Variants in SPTAN1 observed in about 807,000 individuals in gnomAD.
SPTAN1 encodes spectrin alpha, non-erythrocytic 1.
In SPTAN1, 61 loss-of-function variants were observed where a neutral mutation model predicts 331.3. That is an observed-to-expected ratio of 0.18 (90% CI 0.15 to 0.23). The LOEUF (loss-of-function observed/expected upper bound fraction) is 0.23. SPTAN1 is among the 10% of genes least tolerant of loss of function. SPTAN1 has a pLI of 1.00. For synonymous variants in SPTAN1, 1,153 were observed against 1,173.9 expected (o/e 0.98, Z 0.36); for missense variants, 2,043 against 3,147.9 (o/e 0.65, Z 8.40).
intron 18 of SPTAN1, 52 bp from the exon 19 acceptor site, chr9:128,585,696 T>C (rs1852515412): frequency 6.9e-7 from 1 of 1,457,740 alleles, no homozygotes; most frequent in Non-Finnish European, 9.6e-7. Context: ...TTTGTCCTTC[T>C]GTGATGTGTC....
In SPTAN1 at chr9:128,609,704, G is replaced by T. The variant is rs1054660496; in HGVS notation, c.4773+39G>T. On this transcript the variant is annotated intron_variant, in intron 37 of 56. Transcript: ENST00000372739. Reference sequence around the variant, plus strand: ...TTTTTTAAGAGTTGTAGTTAAATGAGCTCCAGTATTTGTGTTACTCTGCGT... The same window carrying T: ...TTTTTTAAGAGTTGTAGTTAAATGATCTCCAGTATTTGTGTTACTCTGCGT... 11 of 1,409,506 alleles carry T rather than the reference G, an allele frequency of 7.8e-6. No homozygotes were observed. In the East Asian group the frequency reaches 1.2e-4, roughly 16 times the overall value. The allele number at this position is 1,409,506 out of a possible 1,614,324, so 87.3% of individuals were successfully genotyped here. A position where few individuals can be genotyped will look rare whatever the true frequency, so the allele number is the denominator to read the frequency against.
rs143939145 is a variant in SPTAN1 at position 128,585,959 on chromosome 9, T to C, written c.2772T>C (p.Ser924=). 3 of 1,612,348 alleles carry C rather than the reference T, an allele frequency of 1.9e-6. No individual in the cohort carries two copies. Among genetic ancestry groups the C allele is most frequent in the Non-Finnish European group, 2.5e-6 (3 of 1,180,012 alleles). ...GSTDYGKDED[S]AEALLKKHEA... is the part of the protein sequence containing the mutation. ...CTGACTATGGCAAGGACGAAGACTC[T>C]GCTGAGGTAACCAGGCGTGGGAAGC... The change falls in exon 19 of 57, where the codon TCT becomes TCC. Residue 924 remains serine, a synonymous_variant. Transcript: ENST00000372739.
chr9:128,597,260 TCC>T (rs1854436810), intron 24 of SPTAN1, among the ~76,000 whole-genome samples: 2 of 152,188 alleles, frequency 1.3e-5, no homozygotes, highest in Non-Finnish European at 2.9e-5. Context: ...TGCTTTGGCC[TCC>T]CATAGTCCTG....
At chr9:128,566,400 C>T (rs1055420373) in intron 1 of SPTAN1, among the ~76,000 whole-genome samples, 2 of 152,096 alleles carry the variant, frequency 1.3e-5, no homozygotes, top group African/African-American at 2.4e-5. Flanking sequence ...TATTTGAATA[C>T]CACAGTTGCT....
chr9:128,585,145 G>A (rs1852426363), intron 18 of SPTAN1, among the ~76,000 whole-genome samples: 1 of 151,634 alleles, frequency 6.6e-6, no homozygotes, highest in African/African-American at 2.4e-5. Flanking sequence ...CTCCCAAGTA[G>A]CTGGGACTAC....
At position 128,612,194 on chromosome 9, in the gene SPTAN1, A is replaced by T; in HGVS notation, c.4991A>T (p.Lys1664Met). ...AGCCAGAAACTGAAAGAAGCCAACA[A>T]GCAGCAGAACTTCAACACAGGGATC... ...EKSQKLKEAN[K>M]QQNFNTGIKD... The change falls in exon 39 of 57, where the codon AAG becomes ATG. Residue 1664 changes from lysine to methionine, a missense_variant. Coordinates refer to ENST00000372739, the MANE Select transcript of SPTAN1 (RefSeq NM_001130438.3). 6.2e-7 allele frequency: 1 copy of T among 1,614,160 alleles called. No individual in the cohort carries two copies. Among genetic ancestry groups the T allele is most frequent in the Non-Finnish European group, 8.5e-7 (1 of 1,180,042 alleles).
At chr9:128,600,040 T>G in intron 26 of SPTAN1, 40 bp from the exon 27 acceptor site, 1 of 1,612,882 alleles carries the variant, frequency 6.2e-7, no homozygotes, top group Non-Finnish European at 8.5e-7. Flanking sequence ...TGTTTCATGG[T>G]CAATTGCTTG....
intron 51 of SPTAN1, 42 bp from the exon 52 acceptor site, chr9:128,630,279 G>A (rs1378093252): frequency 6.2e-7 from 1 of 1,610,726 alleles, no homozygotes; most frequent in South Asian, 1.1e-5. Flanking sequence ...CTCTCGGCCA[G>A]CTGGGAGCAG....
At chr9:128,574,144 T>C (rs1358070475) in intron 3 of SPTAN1, among the ~76,000 whole-genome samples, 2 of 152,140 alleles carry the variant, frequency 1.3e-5, no homozygotes, top group Non-Finnish European at 2.9e-5. Flanking sequence ...TTTGTTTTTT[T>C]CCCTTTATCT....
intron 41 of SPTAN1, among the ~76,000 whole-genome samples, chr9:128,617,064 C>G (rs1166229523): frequency 6.6e-6 from 1 of 151,822 alleles, no homozygotes; most frequent in Non-Finnish European, 1.5e-5. Context: ...ATGGTGAAAA[C>G]TCATCTCTAC....
intron 1 of SPTAN1, among the ~76,000 whole-genome samples, chr9:128,555,625 T>C (rs202081762): frequency 6.9e-6 from 1 of 145,292 alleles, no homozygotes; most frequent in Non-Finnish European, 1.5e-5. Flanking sequence ...AAAGCCTTTT[T>C]TTTTTTTTTT....
At chr9:128,617,540 G>T in intron 41 of SPTAN1, 100 bp from the exon 42 acceptor site, 1 of 1,571,294 alleles carries the variant, frequency 6.4e-7, no homozygotes, top group Admixed American at 1.7e-5. Flanking sequence ...TTCCCAGAAA[G>T]ATTAGTAGAT....
chr9:128,583,419 G>A (rs1852190339), intron 15 of SPTAN1, 138 bp downstream of exon 15: 1 of 907,120 alleles, frequency 1.1e-6, no homozygotes, highest in Non-Finnish European at 1.7e-6. Flanking sequence ...TTCCTGTGTA[G>A]GAATTACTTG....
chr9:128,598,074 G>C (rs143362484), intron 24 of SPTAN1, among the ~76,000 whole-genome samples: 1 of 152,124 alleles, frequency 6.6e-6, no homozygotes, highest in African/African-American at 2.4e-5. Context: ...TCAGCCTCCC[G>C]AGTAGCTGGG....
chr9:128,581,030 C>T lies in SPTAN1; in HGVS notation c.1432C>T (p.Gln478Ter). 1 of 1,614,104 alleles carries T rather than the reference C, an allele frequency of 6.2e-7. No homozygotes were observed. Among genetic ancestry groups the T allele is most frequent in the South Asian group, 1.1e-5 (1 of 91,088 alleles). The change falls in exon 11 of 57, where the codon CAG (glutamine) becomes TAG (stop). Residue 478 changes from glutamine (Q) to a stop codon, truncating the protein, a stop_gained. Transcript: ENST00000372739. LOFTEE classifies it high-confidence loss of function. ...GCAGCTCTTCTACCGGGACACTGAGCAGGTGGACAACTGGATGAGCAAGCA... is the reference window on the plus strand; with the variant it reads ...GCAGCTCTTCTACCGGGACACTGAGTAGGTGGACAACTGGATGAGCAAGCA... The part of the protein sequence containing the change: ...DLQLFYRDTE[Q>*]VDNWMSKQEA...
At chr9:128,582,393 T>G in intron 12 of SPTAN1, 86 bp from the exon 13 acceptor site, 3 of 1,157,824 alleles carry the variant, frequency 2.6e-6, no homozygotes, top group Non-Finnish European at 3.9e-6. Context: ...GTGTGTTTTA[T>G]GATCTGTTCA....
At chr9:128,604,764 C>A (rs1855599497) in intron 29 of SPTAN1, among the ~76,000 whole-genome samples, 2 of 152,014 alleles carry the variant, frequency 1.3e-5, no homozygotes, top group African/African-American at 4.8e-5. Context: ...AAACCCACCT[C>A]TACTAAAAAT....
rs995085892 is a variant in SPTAN1 at position 128,577,583 on chromosome 9, CTGTTCTG to C, written c.1085+87_1085+93del. On this transcript the variant is annotated intron_variant, in intron 8 of 56. Transcript: ENST00000372739. The surrounding 1 kb of genome is among the most constrained non-coding windows in gnomAD (Gnocchi z 4.2). Reference sequence around the variant, plus strand: ...AAGCAGGAATAGCAGAGTTAAGGGTCTGTTCTGTGTTCTGTGAAAGTGTCAGGTATCA... The same window carrying C: ...AAGCAGGAATAGCAGAGTTAAGGGTCTGTTCTGTGAAAGTGTCAGGTATCA... 2.8e-5 allele frequency: 44 copies of C among 1,587,034 alleles called. No individual in the cohort carries two copies. The Middle Eastern group carries it at 2.5e-3, about 89-fold the overall frequency.
chr9:128,594,429 ATTTTTTT>A (rs10679469), intron 24 of SPTAN1, 56 bp downstream of exon 24: 2 of 760,196 alleles, frequency 2.6e-6, no homozygotes, highest in African/African-American at 2.1e-5. Context: ...GAGTCTCTTG[ATTTTTTT>A]TTTTTTTTTT....
Sources: allele counts gnomAD v4.1 joint callset (sites outside exome capture counted in the v4.1 genomes callset), GRCh38; gene constraint gnomAD v4.1.1; non-coding constraint Gnocchi (gnomAD v3.1); transcripts MANE v1.5; gene names NCBI Gene and HGNC (gene_info 2026-07-23, HGNC 2026-07-21).